The following ANKS1B variants were observed in gnomAD, a reference collection of about 807,000 sequenced individuals.
ANKS1B encodes ankyrin repeat and sterile alpha motif domain containing 1B.
Under a neutral mutation model 148.3 loss-of-function variants are expected in ANKS1B, and 36 were observed. The observed-to-expected ratio is 0.24, with a 90% confidence interval of 0.19 to 0.32. The LOEUF is 0.32. ANKS1B is among the 10% of genes least tolerant of loss of function. ANKS1B has a pLI of 1.00. For synonymous variants in ANKS1B, 542 were observed against 560.8 expected, an observed-to-expected ratio of 0.97 and a Z score of 0.47; for missense variants, 1,157 against 1,542.6, an observed-to-expected ratio of 0.75 and a Z score of 4.19.
intron 9 of ANKS1B, among the ~76,000 whole-genome samples, chr12:99,642,581 C>T (rs985809508): frequency 1.1e-4 from 17 of 151,960 alleles, no homozygotes; most frequent in Admixed American, 9.2e-4. Flanking sequence ...TTTGGGAGGC[C>T]GAGGCAGGTG....
At position 98,860,431 on chromosome 12, in the gene ANKS1B, T is replaced by C. The variant is rs11109630; in HGVS notation, c.2779-28295A>G. Among the ~76,000 whole-genome samples, 1,145 of 152,324 alleles carry C rather than the reference T, an allele frequency of 7.5e-3. 12 individuals carry two copies. The highest frequency in any genetic ancestry group is 0.026 in the African/African-American group (1,065 of 41,566). ...CTTGTGCTTACTAAGTGAATATTAATATCTTCATTAAACCTTGATAGACAA... is the reference window on the plus strand; with the variant it reads ...CTTGTGCTTACTAAGTGAATATTAACATCTTCATTAAACCTTGATAGACAA... On this transcript the variant is annotated intron_variant, in intron 17 of 26. Coordinates refer to ENST00000683438, the MANE Select transcript of ANKS1B (RefSeq NM_001352186.2).
intron 9 of ANKS1B, among the ~76,000 whole-genome samples, chr12:99,590,129 T>A (rs1332518633): frequency 6.6e-6 from 1 of 152,070 alleles, no homozygotes; most frequent in African/African-American, 2.4e-5. Context: ...TTTTAAAAAT[T>A]CCAATTTTGA....
At chr12:99,947,255 C>CAAAAAAAAAAAAAAAAAAAAA (rs58317609) in intron 1 of ANKS1B, among the ~76,000 whole-genome samples, 1 of 129,062 alleles carries the variant, frequency 7.7e-6, no homozygotes, top group African/African-American at 2.8e-5. Flanking sequence ...TAAAGTAATA[C>CAAAAAAAAAAAAAAAAAAAAA]AAAAAAAAAA....
chr12:99,795,007 C>A (rs1232913962), intron 4 of ANKS1B, among the ~76,000 whole-genome samples: 1 of 151,010 alleles, frequency 6.6e-6, no homozygotes, highest in Non-Finnish European at 1.5e-5. Flanking sequence ...TAAATGACTA[C>A]AGAAACAAAT....
intron 14 of ANKS1B, among the ~76,000 whole-genome samples, chr12:99,230,351 G>C (rs1391696665): frequency 6.6e-6 from 1 of 152,202 alleles, no homozygotes; most frequent in Non-Finnish European, 1.5e-5. Flanking sequence ...GATGTTAGTT[G>C]ATGTTGGTTG....
chr12:99,497,654 AT>A (rs1224453689), intron 10 of ANKS1B, among the ~76,000 whole-genome samples: 1 of 151,966 alleles, frequency 6.6e-6, no homozygotes, highest in Non-Finnish European at 1.5e-5. Flanking sequence ...TAATGGCTTT[AT>A]TTTAACTTGA....
intron 1 of ANKS1B, among the ~76,000 whole-genome samples, chr12:99,899,704 A>G (rs2093517845): frequency 6.6e-6 from 1 of 152,160 alleles, no homozygotes; most frequent in Non-Finnish European, 1.5e-5. Context: ...AGACAATACA[A>G]AGCAGCTAAA....
intron 2 of ANKS1B, among the ~76,000 whole-genome samples, chr12:99,815,420 T>C (rs1399674988): frequency 6.6e-6 from 1 of 151,854 alleles, no homozygotes; most frequent in East Asian, 1.9e-4. Context: ...TTACACATTA[T>C]TTTTAAGTTT....
At chr12:98,980,325 C>G (rs924665728) in intron 17 of ANKS1B, among the ~76,000 whole-genome samples, 1 of 152,272 alleles carries the variant, frequency 6.6e-6, no homozygotes, top group Admixed American at 6.5e-5. Flanking sequence ...CTCAGCCTCC[C>G]GAGTAGCTGG....
At chr12:98,902,722 G>T (rs1280227040) in intron 17 of ANKS1B, among the ~76,000 whole-genome samples, 1 of 152,198 alleles carries the variant, frequency 6.6e-6, no homozygotes, top group Non-Finnish European at 1.5e-5. Context: ...CTTTAAAGAT[G>T]TTGTTTAAGG....
chr12:99,331,564 CG>C (rs775529859), intron 12 of ANKS1B, among the ~76,000 whole-genome samples: 2 of 151,878 alleles, frequency 1.3e-5, no homozygotes, highest in Non-Finnish European at 2.9e-5. Flanking sequence ...GAAAGTGGGG[CG>C]GGGAGAGCAG....
intron 8 of ANKS1B, among the ~76,000 whole-genome samples, chr12:99,771,688 T>C (rs1474307903): frequency 6.6e-6 from 1 of 152,098 alleles, no homozygotes; most frequent in East Asian, 1.9e-4. Context: ...CTTCAGTACA[T>C]ATACAACTGT....
At chr12:99,256,599 C>G (rs1247805550) in intron 12 of ANKS1B, among the ~76,000 whole-genome samples, 1 of 152,032 alleles carries the variant, frequency 6.6e-6, no homozygotes, top group Non-Finnish European at 1.5e-5. Flanking sequence ...CTGTGAATAT[C>G]TTTCTATTTT....
At chr12:99,880,807 G>A (rs1226604575) in intron 1 of ANKS1B, among the ~76,000 whole-genome samples, 1 of 152,174 alleles carries the variant, frequency 6.6e-6, no homozygotes, top group African/African-American at 2.4e-5. Flanking sequence ...CCTCTGCCAA[G>A]AGCCCCATCA....
At chr12:99,155,149 A>G (rs936577097) in intron 14 of ANKS1B, 3 of 1,471,444 alleles carry the variant, frequency 2.0e-6, no homozygotes, top group Non-Finnish European at 1.8e-6. Flanking sequence ...CGAAGCTTGA[A>G]CTATAGCTTA....
intron 19 of ANKS1B, among the ~76,000 whole-genome samples, chr12:98,826,447 C>T (rs183470010): frequency 5.3e-5 from 8 of 152,104 alleles, no homozygotes; most frequent in African/African-American, 1.9e-4. Flanking sequence ...AAAGCACCTC[C>T]AAACATCTGG....
intron 14 of ANKS1B, among the ~76,000 whole-genome samples, chr12:99,166,735 G>A (rs1336482184): frequency 6.6e-6 from 1 of 151,998 alleles, no homozygotes; most frequent in African/African-American, 2.4e-5. Flanking sequence ...CCCAGCAGGT[G>A]CTTTGTTTGG....
intron 17 of ANKS1B, among the ~76,000 whole-genome samples, chr12:98,975,810 T>C (rs2099894410): frequency 6.6e-6 from 1 of 151,954 alleles, no homozygotes; most frequent in Non-Finnish European, 1.5e-5. Flanking sequence ...GAGTTGGGTG[T>C]GATTTGCAGA....
At chr12:98,773,975 A>G (rs996470784) in intron 24 of ANKS1B, among the ~76,000 whole-genome samples, 2 of 152,152 alleles carry the variant, frequency 1.3e-5, no homozygotes, top group Admixed American at 1.3e-4. Flanking sequence ...CCCTCAGAGC[A>G]AGGGCAGGTA....
Sources: gnomAD v4.1 joint callset for allele counts (sites outside exome capture counted in the v4.1 genomes callset) on GRCh38, gnomAD v4.1.1 for gene constraint, MANE v1.5 for transcripts, NCBI Gene and HGNC (gene_info 2026-07-23, HGNC 2026-07-21) for gene names.